Variants in ADGRG2 observed in about 807,000 individuals in gnomAD.
ADGRG2 encodes the protein G protein-coupled receptor 64.
A neutral mutation model predicts 74.1 loss-of-function variants in ADGRG2; 26 were observed. The ratio of observed to expected loss-of-function variants is 0.35; its 90% CI spans 0.26 to 0.49. The LOEUF (loss-of-function observed/expected upper bound fraction) is 0.49. ADGRG2 is among the 20% of genes least tolerant of loss of function. ADGRG2 has a pLI of 0.99. For missense variants in ADGRG2, 619 were observed against 763.1 expected, an observed-to-expected ratio of 0.81 and a Z score of 2.22; for synonymous variants, 296 against 295.2, an observed-to-expected ratio of 1.00 and a Z score of -0.03.
At chrX:19,049,452 T>TG (rs968156645) in intron 3 of ADGRG2, among the ~76,000 whole-genome samples, 18 of 99,319 alleles carry the variant, frequency 1.8e-4, no homozygotes, top group South Asian at 4.7e-4. Flanking sequence ...TTTTTTTTTT[T>TG]TTTTTGTTGT....
intron 23 of ADGRG2, 113 bp downstream of exon 23, chrX:19,004,645 A>G: frequency 1.4e-6 from 1 of 689,912 alleles, no homozygotes; most frequent in Non-Finnish European, 2.2e-6. Context: ...TGGATGCTCC[A>G]CTAGCTGGGT....
chrX:19,051,580 G>C (rs190251460), intron 3 of ADGRG2, among the ~76,000 whole-genome samples: 72 of 111,874 alleles, frequency 6.4e-4, no homozygotes, highest in Non-Finnish European at 1.3e-3. Context: ...TCCTGGGTGG[G>C]CTTTGACTAA....
intron 3 of ADGRG2, among the ~76,000 whole-genome samples, chrX:19,042,667 G>A (rs2061092907): frequency 9.0e-6 from 1 of 111,354 alleles, no homozygotes; most frequent in Admixed American, 9.6e-5. Flanking sequence ...GATAGGCGTG[G>A]GCTTATAATC....
Position 19,055,290 on chromosome X carries a change from G to A in ADGRG2, c.118+13427C>T, listed in dbSNP as rs1000596482. On this transcript the variant is annotated intron_variant, in intron 3 of 28. Transcript: ENST00000379869. ...TGTGTGTATGTGTGTGTGTGTGCGC[G>A]CGCACGCGCGTGCACGCACCTTAGT... Among the ~76,000 whole-genome samples, 6 of 111,653 alleles carry A rather than the reference G, an allele frequency of 5.4e-5. No individual in the cohort carries two copies. In the East Asian group the frequency reaches 8.4e-4, roughly 16 times the overall value.
intron 2 of ADGRG2, among the ~76,000 whole-genome samples, chrX:19,078,430 G>A (rs1032772899): frequency 4.5e-5 from 5 of 110,493 alleles, no homozygotes; most frequent in African/African-American, 1.7e-4. Context: ...GGTGGTATGC[G>A]CCTATGGTCC....
rs146640307 is a variant in ADGRG2 at position 19,043,361 on chromosome X, C to G, written c.119-3137G>C. Among the ~76,000 whole-genome samples the G allele has an allele frequency of 7.2e-3, 800 of 111,539 alleles. 5 individuals carry two copies. The highest frequency in any genetic ancestry group is 0.019 in the Middle Eastern group (4 of 214). On this transcript the variant is annotated intron_variant, in intron 3 of 28. Coordinates refer to ENST00000379869, the MANE Select transcript of ADGRG2 (RefSeq NM_001079858.3). ...CTAACTCACTTCCCATTTGTTACAA[C>G]TTAAAGAGGTGGTCGTCATATCCAG...
rs765039407 is a variant in ADGRG2, at chrX:18,989,400, T to C, written c.*1464A>G. On this transcript the variant is annotated 3_prime_UTR_variant, in exon 29 of 29. Transcript: ENST00000379869. ...AAAATTAAATAAATCAGAAAAGAAA[T>C]ATTGCAAAGACAAGTCAGCACTCAC... 23 of 112,761 alleles carry C rather than the reference T, an allele frequency of 2.0e-4. No homozygotes were observed. Among genetic ancestry groups the C allele is most frequent in the South Asian group, 3.6e-4 (1 of 2,756 alleles). 9.3% of individuals were successfully genotyped at this position (112,761 alleles called of 1,213,427 possible). A position where few individuals can be genotyped will look rare whatever the true frequency, so the allele number is the denominator to read the frequency against.
intron 23 of ADGRG2, among the ~76,000 whole-genome samples, chrX:19,003,707 T>C (rs1008095592): frequency 8.9e-6 from 1 of 111,786 alleles, no homozygotes. Context: ...TACTTTTAAA[T>C]AGTTTGTAGT....
chrX:19,077,334 T>TAA lies in ADGRG2; in HGVS notation c.-2+5366_-2+5367dup, dbSNP rs34976230. Among the ~76,000 whole-genome samples the TAA allele has an allele frequency of 3.9e-4, 15 of 38,610 alleles. 1 individual carries two copies. The highest frequency in any genetic ancestry group is 8.5e-4 in the East Asian group (1 of 1,174). The allele number at this position is 38,610 out of a possible 115,157, so 33.5% of individuals were successfully genotyped here. ...CAACATGATGAAACTCTGTCTCTAC[T>TAA]AAAAAAAAAAAAAAAAAAAAAAAAA... On this transcript the variant is annotated intron_variant, in intron 2 of 28. Transcript: ENST00000379869.
At chrX:19,085,136 T>G (rs1471184403) in intron 1 of ADGRG2, among the ~76,000 whole-genome samples, 1 of 111,816 alleles carries the variant, frequency 8.9e-6, no homozygotes, top group African/African-American at 3.3e-5. Flanking sequence ...GAGCCTAAGT[T>G]TCCATTAGTA....
intron 1 of ADGRG2, among the ~76,000 whole-genome samples, chrX:19,093,476 T>TGCTCATGG (rs1374012599): frequency 8.9e-6 from 1 of 111,756 alleles, no homozygotes. Flanking sequence ...GGAGAAAACG[T>TGCTCATGG]GCTCATGGTC....
chrX:19,074,390 C>T (rs764855566), intron 2 of ADGRG2, among the ~76,000 whole-genome samples: 3 of 108,303 alleles, frequency 2.8e-5, no homozygotes, highest in African/African-American at 1.0e-4. Context: ...CAGGCATGTA[C>T]CACCATGCCT....
intron 7 of ADGRG2, chrX:19,035,701 C>CA (rs2060923859): frequency 3.9e-6 from 1 of 253,412 alleles, no homozygotes; most frequent in African/African-American, 2.8e-5. Context: ...ATTATAATCA[C>CA]AAAAATAATA....
At chrX:19,039,466 C>T (rs1482187033) in intron 4 of ADGRG2, among the ~76,000 whole-genome samples, 1 of 112,222 alleles carries the variant, frequency 8.9e-6, no homozygotes, top group Non-Finnish European at 1.9e-5. Flanking sequence ...TTGACTCACT[C>T]CCCATCATAA....
intron 25 of ADGRG2, 46 bp downstream of exon 25, chrX:18,999,815 C>T (rs767937477): frequency 2.6e-6 from 2 of 772,735 alleles, no homozygotes; most frequent in Middle Eastern, 3.0e-4. Flanking sequence ...AGGAGCATTC[C>T]GTTTTCCAGT....
rs767036706 is a variant in ADGRG2, at chrX:18,990,927, T to C, written c.2991A>G (p.Lys997=). 8.3e-7 allele frequency: 1 copy of C among 1,207,849 alleles called. No homozygotes were observed. The highest frequency in any genetic ancestry group is 1.1e-6 in the Non-Finnish European group (1 of 891,938). ...FNEKEDSCNG[K]GRMALRRTSK... is the part of the protein sequence containing the mutation. ...AAGTCCTTCTGAGAGCCATACGGCC[T>C]TTCCCATTGCAGGAATCTTCCTTCT... The change falls in exon 29 of 29, where the codon AAA becomes AAG. Residue 997 remains lysine, a synonymous_variant. Transcript: ENST00000379869.
intron 3 of ADGRG2, among the ~76,000 whole-genome samples, chrX:19,052,967 T>C (rs1012792595): frequency 4.5e-5 from 5 of 111,880 alleles, no homozygotes; most frequent in African/African-American, 1.3e-4. Flanking sequence ...AGTGCTGGGA[T>C]TACAGGCATG....
intron 1 of ADGRG2, among the ~76,000 whole-genome samples, chrX:19,093,191 TCTTCC>T (rs1200149568): frequency 8.9e-6 from 1 of 112,144 alleles, no homozygotes. Context: ...CTCCACTTCC[TCTTCC>T]CAGCGTCTCC....
intron 17 of ADGRG2, 24 bp from the exon 18 acceptor site, chrX:19,009,806 A>G (rs2060315452): frequency 8.9e-7 from 1 of 1,122,114 alleles, no homozygotes; most frequent in Non-Finnish European, 1.2e-6. Context: ...TTGGCAGTTT[A>G]TTATTTATTT....
Sources: gnomAD v4.1 joint callset for allele counts (sites outside exome capture counted in the v4.1 genomes callset) on GRCh38, gnomAD v4.1.1 for gene constraint, MANE v1.5 for transcripts, NCBI Gene and HGNC (gene_info 2026-07-23, HGNC 2026-07-21) for gene names.